LYZL4: variants seen among roughly 807,000 people sequenced by gnomAD.
LYZL4 encodes the protein lysozyme-like protein 4.
A neutral mutation model predicts 17.6 loss-of-function variants in LYZL4; 13 were observed. The observed-to-expected ratio is 0.74, with a 90% confidence interval of 0.48 to 1.18. The LOEUF (loss-of-function observed/expected upper bound fraction) is 1.18. Ranked by LOEUF, LYZL4 falls within the 50% of genes most tolerant of loss-of-function variation. The pLI, the probability that LYZL4 is intolerant of heterozygous loss-of-function variation, is 0.00. For synonymous variants in LYZL4, 64 were observed against 67.7 expected (o/e 0.95, Z 0.27); for missense variants, 174 against 188.2 (o/e 0.92, Z 0.44).
At chr3:42,383,250 G>C in the LYZL4 span, among the ~76,000 whole-genome samples, 6 of 152,192 alleles carry the variant, frequency 3.9e-5, no homozygotes, top group Admixed American at 2.0e-4. Context: ...CTGGCTCCAA[G>C]AATGGGGCAG....
chr3:42,400,475 A>G (rs1698635283), intron 4 of LYZL4, among the ~76,000 whole-genome samples: 1 of 152,238 alleles, frequency 6.6e-6, no homozygotes, highest in Non-Finnish European at 1.5e-5. Flanking sequence ...AAGAATGCTC[A>G]TAGCAGAGGG....
At chr3:42,409,485 A>T (rs1698824739) in intron 1 of LYZL4, among the ~76,000 whole-genome samples, 1 of 152,212 alleles carries the variant, frequency 6.6e-6, no homozygotes, top group Non-Finnish European at 1.5e-5. Context: ...TGTCTTCCAC[A>T]GGGCAGGCAT....
At chr3:42,401,267 G>A (rs530905496) in intron 4 of LYZL4, among the ~76,000 whole-genome samples, 1 of 152,178 alleles carries the variant, frequency 6.6e-6, no homozygotes, top group Admixed American at 6.5e-5. Context: ...CTGGAGTACA[G>A]TCACACAATC....
chr3:42,369,600 A>T, the LYZL4 span, among the ~76,000 whole-genome samples: 4 of 152,176 alleles, frequency 2.6e-5, no homozygotes, highest in Non-Finnish European at 5.9e-5. Context: ...CTGTCCTCCC[A>T]GAGGAACCCC....
At chr3:42,399,572 C>G (rs1698617315) in intron 4 of LYZL4, among the ~76,000 whole-genome samples, 1 of 152,094 alleles carries the variant, frequency 6.6e-6, no homozygotes, top group Non-Finnish European at 1.5e-5. Flanking sequence ...TGAAAAAAAG[C>G]AAGGTGCAGC....
chr3:42,404,012 G>A (rs947867655), intron 4 of LYZL4, 34 bp downstream of exon 4: 9 of 1,445,932 alleles, frequency 6.2e-6, no homozygotes, highest in Middle Eastern at 1.7e-4. Context: ...AGTGAAAGTC[G>A]TTAATACAGG....
the LYZL4 span, among the ~76,000 whole-genome samples, chr3:42,375,152 C>T: frequency 0.017 from 2,610 of 152,200 alleles, 35 homozygotes; most frequent in Non-Finnish European, 0.029. Flanking sequence ...AGGATCCCCC[C>T]GCCTCCACAA....
At chr3:42,400,994 C>G (rs1030174438) in intron 4 of LYZL4, among the ~76,000 whole-genome samples, 1 of 152,092 alleles carries the variant, frequency 6.6e-6, no homozygotes. Context: ...ATGTGCACAC[C>G]AATCTACCCC....
chr3:42,396,053 ACT>A (rs201897678), downstream of LYZL4, among the ~76,000 whole-genome samples: 2,608 of 152,116 alleles, frequency 0.017, 81 homozygotes, highest in African/African-American at 0.06. Flanking sequence ...ACAGAGCAAG[ACT>A]CTGTCTCAAA....
At position 42,402,829 on chromosome 3, in the gene LYZL4, C is replaced by T. The variant is rs540662461; in HGVS notation, c.371+1217G>A. Among the ~76,000 whole-genome samples, 13 of 152,276 alleles carry T rather than the reference C, an allele frequency of 8.5e-5. No homozygotes were observed. The East Asian group carries it at 2.5e-3, about 29-fold the overall frequency. ...TAAGTATAGACTGTCCATGGCAGCA[C>T]TAAAAATGAAGAAACTACCAAATGC... On this transcript the variant is annotated intron_variant, in intron 4 of 4. Coordinates refer to ENST00000287748, the MANE Select transcript of LYZL4 (RefSeq NM_144634.4).
At chr3:42,386,943 C>CT in the LYZL4 span, among the ~76,000 whole-genome samples, 4 of 152,082 alleles carry the variant, frequency 2.6e-5, no homozygotes, top group Non-Finnish European at 5.9e-5. Context: ...GTTCACTGTG[C>CT]TTTGTCTTTA....
chr3:42,383,928 C>A, the LYZL4 span, among the ~76,000 whole-genome samples: 1 of 151,960 alleles, frequency 6.6e-6, no homozygotes, highest in Non-Finnish European at 1.5e-5. Context: ...CAGGGAGAAT[C>A]AAAAATCATA....
At chr3:42,366,542 A>T in the LYZL4 span, among the ~76,000 whole-genome samples, 1 of 152,092 alleles carries the variant, frequency 6.6e-6, no homozygotes, top group East Asian at 1.9e-4. Context: ...TCCTCCTTAC[A>T]TCTTGACTCC....
At chr3:42,408,379 A>T (rs33520) in intron 1 of LYZL4, among the ~76,000 whole-genome samples, 1 of 151,988 alleles carries the variant, frequency 6.6e-6, no homozygotes. Flanking sequence ...TCCATTCTCC[A>T]GGGAGCTGTG....
intron 4 of LYZL4, 90 bp downstream of exon 4, chr3:42,403,956 G>T: frequency 1.1e-6 from 1 of 934,804 alleles, no homozygotes; most frequent in Non-Finnish European, 1.7e-6. Context: ...GGCACTGCAC[G>T]TGCGCAACAG....
At chr3:42,396,575 G>T (rs1698551672), downstream of LYZL4, among the ~76,000 whole-genome samples, 1 of 152,044 alleles carries the variant, frequency 6.6e-6, no homozygotes, top group African/African-American at 2.4e-5. Context: ...TTTTGAAAAA[G>T]AATAAAAAAC....
chr3:42,402,306 TTTTC>T (rs1276212874), intron 4 of LYZL4, among the ~76,000 whole-genome samples: 1 of 125,832 alleles, frequency 7.9e-6, no homozygotes. Context: ...GCCCCATTTC[TTTTC>T]TTTTCTTTCT....
intron 4 of LYZL4, among the ~76,000 whole-genome samples, chr3:42,398,785 G>C (rs1052994474): frequency 6.6e-6 from 1 of 151,994 alleles, no homozygotes; most frequent in South Asian, 2.1e-4. Flanking sequence ...GCGTACAAAA[G>C]ACCTTTCTAA....
chr3:42,361,569 A>T, the LYZL4 span, among the ~76,000 whole-genome samples: 406 of 147,872 alleles, frequency 2.7e-3, 2 homozygotes, highest in East Asian at 0.014. Flanking sequence ...TCTTAAAAAA[A>T]TTTTTTTTTT....
Sources: gnomAD v4.1 joint callset for allele counts (sites outside exome capture counted in the v4.1 genomes callset) on GRCh38, gnomAD v4.1.1 for gene constraint, MANE v1.5 for transcripts, NCBI Gene and HGNC (gene_info 2026-07-23, HGNC 2026-07-21) for gene names.